The following NEGR1 variants were observed in gnomAD, a reference collection of about 807,000 sequenced individuals.
The protein encoded by NEGR1 is neuronal growth regulator 1, also known as IgLON family member 4.
In NEGR1, 10 loss-of-function variants were observed where a neutral mutation model predicts 40.9. That is an observed-to-expected ratio of 0.24 (90% CI 0.15 to 0.42). NEGR1 has a LOEUF of 0.42. Ranked by LOEUF, NEGR1 falls within the 10% of genes least tolerant of loss-of-function variation. The probability of loss-of-function intolerance (pLI) is 1.00; values close to 1 mark genes in which losing one functional copy is unlikely to be tolerated. For synonymous variants in NEGR1, 185 were observed against 166.8 expected (o/e 1.11, Z -0.84); for missense variants, 352 against 438.9 (o/e 0.80, Z 1.77).
chr1:71,796,159 C>G (rs1383483851), intron 2 of NEGR1, among the ~76,000 whole-genome samples: 5 of 152,132 alleles, frequency 3.3e-5, no homozygotes, highest in Non-Finnish European at 2.9e-5. Context: ...CTCTCTACCA[C>G]CACACATATT....
chr1:71,462,705 C>G (rs1202493882), intron 6 of NEGR1, among the ~76,000 whole-genome samples: 1 of 152,128 alleles, frequency 6.6e-6, no homozygotes, highest in Non-Finnish European at 1.5e-5. Context: ...GAAAAATAAT[C>G]TTTTAGATGC....
chr1:71,741,608 AT>A (rs1355885673), intron 3 of NEGR1, among the ~76,000 whole-genome samples: 4 of 152,132 alleles, frequency 2.6e-5, no homozygotes, highest in Non-Finnish European at 4.4e-5. Context: ...CTGATCCTGA[AT>A]TTATGTTATT....
rs571106016 is a variant in NEGR1 at position 71,881,142 on chromosome 1, G to A, written c.409+53937C>T. Among the ~76,000 whole-genome samples the A allele has an allele frequency of 7.9e-5, 12 of 151,968 alleles. No individual in the cohort carries two copies. The South Asian group carries it at 8.3e-4, about 11-fold the overall frequency. ...TCCTTCCTACAGTACAGTATGTTTC[G>A]AGCTTAAAGGAAACTCTTCTAGAAA... On this transcript the variant is annotated intron_variant, in intron 2 of 6. Coordinates refer to ENST00000357731, the MANE Select transcript of NEGR1 (RefSeq NM_173808.3).
At chr1:71,622,682 G>C (rs1650647187) in intron 4 of NEGR1, among the ~76,000 whole-genome samples, 1 of 151,772 alleles carries the variant, frequency 6.6e-6, no homozygotes, top group African/African-American at 2.4e-5. Context: ...AATGAGCCAG[G>C]CTCATATATA....
At chr1:71,913,037 A>G (rs1661463806) in intron 2 of NEGR1, among the ~76,000 whole-genome samples, 1 of 152,196 alleles carries the variant, frequency 6.6e-6, no homozygotes, top group African/African-American at 2.4e-5. Flanking sequence ...TCAAAGGTCC[A>G]CAATATATCC....
intron 3 of NEGR1, chr1:71,738,249 C>A: frequency 9.1e-6 from 2 of 220,232 alleles, no homozygotes; most frequent in South Asian, 1.9e-4. Context: ...CCCAGCAAGT[C>A]AAGCACTTCT....
chr1:72,029,030 A>G (rs1047081211), intron 1 of NEGR1, among the ~76,000 whole-genome samples: 62 of 152,222 alleles, frequency 4.1e-4, no homozygotes, highest in Non-Finnish European at 8.7e-4. Context: ...AAAAAGCATA[A>G]TGGGTCAAAT....
At position 71,946,448 on chromosome 1, in the gene NEGR1, AT is replaced by A. The variant is rs1263083721; in HGVS notation, c.177-11138del. ...ATTTCTTACTACTATCAATATTGCT[AT>A]TTTAAAATAAAACCGTAAGTTCTCA... is the stretch of plus-strand genomic sequence containing the variant. On this transcript the variant is annotated intron_variant, in intron 1 of 6. Coordinates refer to ENST00000357731, the MANE Select transcript of NEGR1 (RefSeq NM_173808.3). 3.3e-5 allele frequency among the ~76,000 whole-genome samples: 5 copies of A among 152,136 alleles called. No individual in the cohort carries two copies. In the East Asian group the frequency reaches 7.7e-4, roughly 24 times the overall value.
chr1:71,954,272 G>A (rs543604004), intron 1 of NEGR1, among the ~76,000 whole-genome samples: 1 of 152,034 alleles, frequency 6.6e-6, no homozygotes, highest in South Asian at 2.1e-4. Context: ...TATGAAAGAA[G>A]TGGGGATGAA....
intron 6 of NEGR1, among the ~76,000 whole-genome samples, chr1:71,533,814 C>T (rs1647432055): frequency 6.6e-6 from 1 of 151,578 alleles, no homozygotes; most frequent in African/African-American, 2.4e-5. Flanking sequence ...AACACCATCA[C>T]TGGCAATGCT....
chr1:71,645,301 T>A (rs2101577273), intron 4 of NEGR1, among the ~76,000 whole-genome samples: 1 of 152,130 alleles, frequency 6.6e-6, no homozygotes, highest in East Asian at 1.9e-4. Context: ...TTGTTGACTG[T>A]TAGGTAAATA....
intron 1 of NEGR1, among the ~76,000 whole-genome samples, chr1:72,225,989 C>T (rs1446075991): frequency 6.6e-6 from 1 of 151,360 alleles, no homozygotes; most frequent in Non-Finnish European, 1.5e-5. Context: ...AAAAGTATGT[C>T]GTAGACAAAA....
chr1:71,401,661 A>T lies in NEGR1; in HGVS notation c.*5785T>A, dbSNP rs1646247368. On this transcript the variant is annotated 3_prime_UTR_variant, in exon 7 of 7. Coordinates refer to ENST00000357731, the MANE Select transcript of NEGR1 (RefSeq NM_173808.3). ...ACTCAGATTAAAATCAGTATTGTGAATTTTTTTAAAAGTGTGTATGTATTC... is the reference window on the plus strand; with the variant it reads ...ACTCAGATTAAAATCAGTATTGTGATTTTTTTTAAAAGTGTGTATGTATTC... 6.6e-6 allele frequency: 1 copy of T among 152,330 alleles called. No homozygotes were observed. Among genetic ancestry groups the T allele is most frequent in the East Asian group, 1.9e-4 (1 of 5,190 alleles). The allele number at this position is 152,330 out of a possible 1,614,324, so 9.4% of individuals were successfully genotyped here.
At chr1:71,880,679 C>A (rs910058036) in intron 2 of NEGR1, among the ~76,000 whole-genome samples, 1 of 151,944 alleles carries the variant, frequency 6.6e-6, no homozygotes, top group South Asian at 2.1e-4. Context: ...CAGCTTCCTA[C>A]CAAGATAACC....
chr1:72,006,985 T>G (rs1026878535), intron 1 of NEGR1, among the ~76,000 whole-genome samples: 5 of 152,236 alleles, frequency 3.3e-5, no homozygotes, highest in Admixed American at 6.5e-5. Flanking sequence ...TTTAATGAGG[T>G]TATATTTCTT....
chr1:72,235,907 A>AT (rs1654529898), intron 1 of NEGR1, among the ~76,000 whole-genome samples: 1 of 152,060 alleles, frequency 6.6e-6, no homozygotes. Flanking sequence ...ATGAAAGTGA[A>AT]TTTTTTAAAG....
intron 1 of NEGR1, among the ~76,000 whole-genome samples, chr1:72,273,637 AC>A (rs1180559640): frequency 6.6e-6 from 1 of 151,920 alleles, no homozygotes; most frequent in Non-Finnish European, 1.5e-5. Context: ...ATCAAAGAAT[AC>A]TTTACCTTTA....
chr1:72,254,899 CTTATT>C (rs913685980), intron 1 of NEGR1, among the ~76,000 whole-genome samples: 17 of 151,746 alleles, frequency 1.1e-4, no homozygotes, highest in African/African-American at 3.6e-4. Context: ...TACAGCTGTT[CTTATT>C]TCTTTATATA....
chr1:71,592,712 G>C, intron 6 of NEGR1, 105 bp downstream of exon 6: 4 of 821,950 alleles, frequency 4.9e-6, no homozygotes, highest in Non-Finnish European at 7.8e-6. Flanking sequence ...TGTCACATCA[G>C]GTTGAGTTTT....
Sources: gnomAD v4.1 joint callset for allele counts (sites outside exome capture counted in the v4.1 genomes callset) on GRCh38, gnomAD v4.1.1 for gene constraint, MANE v1.5 for transcripts, NCBI Gene and HGNC (gene_info 2026-07-23, HGNC 2026-07-21) for gene names.